NEK10: variants seen among roughly 807,000 people sequenced by gnomAD.
NEK10 encodes the protein NIMA related kinase 10.
A neutral mutation model predicts 159.8 loss-of-function variants in NEK10; 122 were observed. That is an observed-to-expected ratio of 0.76 (90% confidence interval 0.66 to 0.89). NEK10 has a LOEUF of 0.89. NEK10 is among the 40% of genes least tolerant of loss of function. The pLI is 0.00. For missense variants in NEK10, 1,342 were observed against 1,323.1 expected (o/e 1.01, Z -0.22); for synonymous variants, 466 against 457.1 (o/e 1.02, Z -0.25).
At chr3:27,289,329 T>C (rs1427907528) in intron 19 of NEK10, among the ~76,000 whole-genome samples, 1 of 152,134 alleles carries the variant, frequency 6.6e-6, no homozygotes, top group East Asian at 1.9e-4. Flanking sequence ...TAATGTACTC[T>C]CCATTCTAGC....
intron 31 of NEK10, among the ~76,000 whole-genome samples, chr3:27,137,307 T>C (rs1376729455): frequency 2.0e-5 from 3 of 152,208 alleles, no homozygotes; most frequent in Non-Finnish European, 4.4e-5. Flanking sequence ...TTTATAATAG[T>C]TTTACTCTTG....
At chr3:27,183,415 G>T (rs1172508148) in intron 26 of NEK10, among the ~76,000 whole-genome samples, 17 of 143,360 alleles carry the variant, frequency 1.2e-4, no homozygotes, top group Non-Finnish European at 2.5e-4. Flanking sequence ...AAACCAAAAA[G>T]TCAATCTCCT....
rs748200898 is a variant in NEK10 at position 27,157,991 on chromosome 3, A to C, written c.2869+4710T>G. 2.0e-4 allele frequency among the ~76,000 whole-genome samples: 31 copies of C among 152,306 alleles called. No homozygotes were observed. The South Asian group carries it at 3.3e-3, about 16-fold the overall frequency. On this transcript the variant is annotated intron_variant, in intron 30 of 35. Coordinates refer to ENST00000691995, the MANE Select transcript of NEK10 (RefSeq NM_001394966.1). ...TATAGTATATATATTTTTAGACATA[A>C]TATTATTGTGCACTTAATAGACTTA...
At chr3:27,349,460 C>G (rs943486111) in intron 3 of NEK10, among the ~76,000 whole-genome samples, 2 of 151,986 alleles carry the variant, frequency 1.3e-5, no homozygotes, top group Non-Finnish European at 2.9e-5. Flanking sequence ...AGGATGGTGT[C>G]TTGCCTTATA....
chr3:27,260,723 T>C (rs1239803194), intron 22 of NEK10, among the ~76,000 whole-genome samples: 1 of 152,244 alleles, frequency 6.6e-6, no homozygotes, highest in Non-Finnish European at 1.5e-5. Flanking sequence ...ATCAGGATGA[T>C]GCTGGCCTCA....
chr3:27,244,039 C>T (rs1954823120), intron 23 of NEK10, among the ~76,000 whole-genome samples: 1 of 152,092 alleles, frequency 6.6e-6, no homozygotes, highest in Non-Finnish European at 1.5e-5. Context: ...CCAAAAAAAC[C>T]GCATTTCCAT....
At chr3:27,277,674 C>T (rs769846496) in intron 22 of NEK10, among the ~76,000 whole-genome samples, 4 of 152,156 alleles carry the variant, frequency 2.6e-5, no homozygotes, top group Non-Finnish European at 5.9e-5. Context: ...ACCAAAAGAT[C>T]CCTAAGGCAC....
At chr3:27,319,045 G>A (rs1013624579) in intron 6 of NEK10, among the ~76,000 whole-genome samples, 5 of 152,176 alleles carry the variant, frequency 3.3e-5, no homozygotes, top group Admixed American at 6.5e-5. Context: ...AAGAGAAAAC[G>A]TGGTACAGTG....
intron 23 of NEK10, among the ~76,000 whole-genome samples, chr3:27,225,950 A>G (rs1952594531): frequency 2.6e-5 from 4 of 152,206 alleles, no homozygotes; most frequent in African/African-American, 7.2e-5. Context: ...AGTTCATAAG[A>G]TTAACTGACC....
In NEK10 at chr3:27,169,285, A is replaced by G. The variant is rs578054484; in HGVS notation, c.2831+2534T>C. Among the ~76,000 whole-genome samples, 235 of 152,310 alleles carry G rather than the reference A, an allele frequency of 1.5e-3. 2 individuals are homozygous for G. The highest frequency in any genetic ancestry group is 2.1e-3 in the Non-Finnish European group (141 of 68,028). On this transcript the variant is annotated intron_variant, in intron 29 of 35. Transcript: ENST00000691995. ...GGAATGTTGGGTACTAGCAAGCCCT[A>G]AAGATCCTTTGGAATATCTTCTAAC... is the stretch of plus-strand genomic sequence containing the variant.
intron 14 of NEK10, among the ~76,000 whole-genome samples, chr3:27,296,403 A>G (rs2043356280): frequency 6.6e-6 from 1 of 152,142 alleles, no homozygotes; most frequent in Admixed American, 6.5e-5. Flanking sequence ...TAATTCCAGG[A>G]ATTGAACCTC....
At chr3:27,351,777 CA>C (rs2047987196) in intron 3 of NEK10, among the ~76,000 whole-genome samples, 1 of 152,014 alleles carries the variant, frequency 6.6e-6, no homozygotes, top group Non-Finnish European at 1.5e-5. Context: ...CCATCCCTTC[CA>C]TTTATGAGTT....
Position 27,229,920 on chromosome 3 carries a change from G to T in NEK10, c.2090+26376C>A, listed in dbSNP as rs151281891. On this transcript the variant is annotated intron_variant, in intron 23 of 35. Coordinates refer to ENST00000691995, the MANE Select transcript of NEK10 (RefSeq NM_001394966.1). Reference sequence around the variant, plus strand: ...AATAATTGGTGTTCCTGAGGGAAAAGAACAAATAAGTTTGGAAAACTTATT... The same window carrying T: ...AATAATTGGTGTTCCTGAGGGAAAATAACAAATAAGTTTGGAAAACTTATT... Among the ~76,000 whole-genome samples, 214 of 152,116 alleles carry T rather than the reference G, an allele frequency of 1.4e-3. 1 individual carries two copies. Among genetic ancestry groups the T allele is most frequent in the African/African-American group, 5.1e-3 (210 of 41,544 alleles).
chr3:27,189,315 A>G (rs1252470398), intron 26 of NEK10, among the ~76,000 whole-genome samples: 1 of 152,118 alleles, frequency 6.6e-6, no homozygotes, highest in Non-Finnish European at 1.5e-5. Flanking sequence ...GAAAGTAAAT[A>G]GAATACTTCC....
chr3:27,120,447 C>T (rs1018162305), intron 32 of NEK10, among the ~76,000 whole-genome samples: 6 of 151,678 alleles, frequency 4.0e-5, no homozygotes, highest in Non-Finnish European at 4.4e-5. Flanking sequence ...CTCAGCCTCC[C>T]GAGTAGCTGG....
At chr3:27,145,812 T>G (rs1944240888) in intron 30 of NEK10, among the ~76,000 whole-genome samples, 1 of 152,014 alleles carries the variant, frequency 6.6e-6, no homozygotes, top group Admixed American at 6.6e-5. Flanking sequence ...CAGGTTGAAA[T>G]CCTAATCCCC....
chr3:27,250,273 G>A (rs1018087163), intron 23 of NEK10, among the ~76,000 whole-genome samples: 5 of 151,232 alleles, frequency 3.3e-5, no homozygotes, highest in African/African-American at 4.9e-5. Context: ...TGCAAGCACC[G>A]CCTCCCAGGT....
intron 26 of NEK10, among the ~76,000 whole-genome samples, chr3:27,191,176 A>G (rs891889062): frequency 6.6e-6 from 1 of 152,182 alleles, no homozygotes; most frequent in South Asian, 2.1e-4. Context: ...GACCAACTTC[A>G]TACATAATTT....
chr3:27,207,237 T>C (rs755970997), intron 23 of NEK10, among the ~76,000 whole-genome samples: 13 of 152,172 alleles, frequency 8.5e-5, no homozygotes, highest in Non-Finnish European at 1.3e-4. Flanking sequence ...AAAGATAAGA[T>C]GATAATATTT....
Sources: gnomAD v4.1 joint callset for allele counts (sites outside exome capture counted in the v4.1 genomes callset) on GRCh38, gnomAD v4.1.1 for gene constraint, MANE v1.5 for transcripts, NCBI Gene and HGNC (gene_info 2026-07-23, HGNC 2026-07-21) for gene names.